NLGN1: variants seen among roughly 807,000 people sequenced by gnomAD.
The protein encoded by NLGN1 is neuroligin 1, also known as neuroligin-1.
NLGN1 carries 12 observed loss-of-function variants against 65.5 expected under a neutral mutation model. The observed-to-expected ratio is 0.18, with a 90% CI of 0.12 to 0.30. NLGN1 has a LOEUF of 0.30. Among genes scored for constraint, NLGN1 ranks in the 10% least tolerant of loss-of-function variants. The probability of loss-of-function intolerance (pLI) is 1.00; values close to 1 mark genes in which losing one functional copy is unlikely to be tolerated. For missense variants in NLGN1, 750 were observed against 1,007.1 expected, an observed-to-expected ratio of 0.74 and a Z score of 3.46; for synonymous variants, 350 against 359.5, an observed-to-expected ratio of 0.97 and a Z score of 0.30.
chr3:173,747,249 A>G (rs529895790), intron 3 of NLGN1, among the ~76,000 whole-genome samples: 2 of 145,938 alleles, frequency 1.4e-5, no homozygotes, highest in South Asian at 2.1e-4. Flanking sequence ...CTTTAAGTAT[A>G]TATATTTAAA....
chr3:174,169,309 G>A (rs1451853523), intron 4 of NLGN1, among the ~76,000 whole-genome samples: 1 of 152,156 alleles, frequency 6.6e-6, no homozygotes, highest in East Asian at 1.9e-4. Flanking sequence ...ATAGATCAGA[G>A]AGGACCTTGA....
chr3:173,805,320 A>G (rs967033704), intron 3 of NLGN1, among the ~76,000 whole-genome samples: 1 of 152,206 alleles, frequency 6.6e-6, no homozygotes, highest in East Asian at 1.9e-4. Context: ...CTTTATGGAA[A>G]AGAACTGCTC....
chr3:174,101,235 T>C (rs1264471860), intron 4 of NLGN1, among the ~76,000 whole-genome samples: 1 of 152,106 alleles, frequency 6.6e-6, no homozygotes, highest in African/African-American at 2.4e-5. Flanking sequence ...GTAGGCACAT[T>C]AAAATGTTAA....
intron 4 of NLGN1, among the ~76,000 whole-genome samples, chr3:173,833,940 G>A (rs1026983841): frequency 7.2e-5 from 11 of 151,828 alleles, no homozygotes; most frequent in Non-Finnish European, 1.2e-4. Flanking sequence ...GTGTTTTCAA[G>A]TCACTCAGAT....
intron 3 of NLGN1, among the ~76,000 whole-genome samples, chr3:173,779,716 AT>A (rs1183469672): frequency 2.6e-5 from 4 of 152,226 alleles, no homozygotes; most frequent in African/African-American, 9.6e-5. Context: ...TTACCAAAAA[AT>A]GAGAAAATCA....
At chr3:173,661,185 T>A (rs1400422397) in intron 3 of NLGN1, among the ~76,000 whole-genome samples, 1 of 151,966 alleles carries the variant, frequency 6.6e-6, no homozygotes, top group Non-Finnish European at 1.5e-5. Context: ...AGTAGAGTAG[T>A]GAGCGAGCTG....
At position 173,579,401 on chromosome 3, in the gene NLGN1, G is replaced by A. The variant is rs138740456; in HGVS notation, c.-320-24878G>A. On this transcript the variant is annotated intron_variant, in intron 2 of 6. Coordinates refer to ENST00000457714, the Ensembl canonical transcript of NLGN1. Reference sequence around the variant, plus strand: ...TGACATGGGAGGATCACCTGAGCCCGGGGAGTTTGAGGCCGCAGTGAGCCA... The same window carrying A: ...TGACATGGGAGGATCACCTGAGCCCAGGGAGTTTGAGGCCGCAGTGAGCCA... Among the ~76,000 whole-genome samples the A allele has an allele frequency of 3.4e-3, 519 of 152,270 alleles. 4 individuals are homozygous for A. Among genetic ancestry groups the A allele is most frequent in the African/African-American group, 0.011 (468 of 41,558 alleles).
At chr3:173,800,625 G>A (rs572438839) in intron 3 of NLGN1, among the ~76,000 whole-genome samples, 2 of 150,718 alleles carry the variant, frequency 1.3e-5, no homozygotes, top group Non-Finnish European at 3.0e-5. Flanking sequence ...CTTTTGATAT[G>A]TTTCATCCCA....
chr3:173,766,959 C>A (rs1210381782), intron 3 of NLGN1, among the ~76,000 whole-genome samples: 1 of 152,096 alleles, frequency 6.6e-6, no homozygotes, highest in East Asian at 1.9e-4. Flanking sequence ...TAAAACCGAT[C>A]TGCTGTATTT....
chr3:173,728,767 G>C (rs1210106032), intron 3 of NLGN1, among the ~76,000 whole-genome samples: 2 of 152,006 alleles, frequency 1.3e-5, no homozygotes, highest in African/African-American at 4.8e-5. Context: ...AAGGATTGCT[G>C]GAAGCCCCCA....
chr3:173,436,495 G>A (rs368169981), intron 2 of NLGN1, among the ~76,000 whole-genome samples: 10 of 152,272 alleles, frequency 6.6e-5, no homozygotes, highest in Admixed American at 2.6e-4. Flanking sequence ...AAGTCAAATA[G>A]GGAAGACTGT....
At chr3:173,705,298 G>T (rs1415806179) in intron 3 of NLGN1, among the ~76,000 whole-genome samples, 1 of 152,016 alleles carries the variant, frequency 6.6e-6, no homozygotes, top group Non-Finnish European at 1.5e-5. Context: ...CATCATTTTT[G>T]ATATAAAGAA....
In NLGN1 at chr3:173,978,832, A is replaced by AT. The variant is rs200807571; in HGVS notation, c.646+171002dup. ...CTAACATGGTGAAACCCCTTCTCTA[A>AT]TTAAAAAAAAAAAAAAAAAAAAAAA... On this transcript the variant is annotated intron_variant, in intron 4 of 6. Coordinates refer to ENST00000457714, the Ensembl canonical transcript of NLGN1. 2.4e-4 allele frequency among the ~76,000 whole-genome samples: 30 copies of AT among 124,684 alleles called. 1 individual carries two copies. The highest frequency in any genetic ancestry group is 4.0e-4 in the Non-Finnish European group (24 of 60,158). The allele number at this position is 124,684 out of a possible 152,430, so 81.8% of individuals were successfully genotyped here.
At chr3:174,253,649 G>A (rs1009808262) in intron 4 of NLGN1, among the ~76,000 whole-genome samples, 1 of 152,058 alleles carries the variant, frequency 6.6e-6, no homozygotes, top group African/African-American at 2.4e-5. Context: ...CTTGTCACCC[G>A]GACATGAAAG....
intron 4 of NLGN1, among the ~76,000 whole-genome samples, chr3:174,051,728 A>T (rs1560926117): frequency 6.6e-6 from 1 of 152,058 alleles, no homozygotes; most frequent in South Asian, 2.1e-4. Context: ...AGAGCAAGTG[A>T]CATTAGCTTG....
At chr3:174,238,877 C>CTCTT (rs950392485) in intron 4 of NLGN1, among the ~76,000 whole-genome samples, 1 of 152,102 alleles carries the variant, frequency 6.6e-6, no homozygotes, top group African/African-American at 2.4e-5. Context: ...GTCTGTCTCT[C>CTCTT]TCTTTCTTTA....
intron 4 of NLGN1, among the ~76,000 whole-genome samples, chr3:174,153,007 T>C (rs1487043417): frequency 2.0e-5 from 3 of 152,152 alleles, no homozygotes; most frequent in African/African-American, 7.2e-5. Flanking sequence ...GATCTAGCCC[T>C]TGCCTACCTT....
chr3:174,005,900 T>C (rs1724270624), intron 4 of NLGN1, among the ~76,000 whole-genome samples: 2 of 152,198 alleles, frequency 1.3e-5, no homozygotes, highest in Non-Finnish European at 2.9e-5. Context: ...TTGTAAAAAT[T>C]AAATGATCAA....
chr3:173,529,100 A>G (rs1300586137), intron 2 of NLGN1, among the ~76,000 whole-genome samples: 1 of 152,142 alleles, frequency 6.6e-6, no homozygotes, highest in African/African-American at 2.4e-5. Context: ...TTTGGATGGA[A>G]CTTTAAAAAT....
Sources: gnomAD v4.1 joint callset for allele counts (sites outside exome capture counted in the v4.1 genomes callset) on GRCh38, gnomAD v4.1.1 for gene constraint, MANE v1.5 for transcripts, NCBI Gene and HGNC (gene_info 2026-07-23, HGNC 2026-07-21) for gene names.